Variants in HS3ST5 observed in about 807,000 individuals in gnomAD.
The protein encoded by HS3ST5 is heparan sulfate glucosamine 3-O-sulfotransferase 5.
A neutral mutation model predicts 25.4 loss-of-function variants in HS3ST5; 10 were observed. The ratio of observed to expected loss-of-function variants is 0.39; its 90% CI spans 0.24 to 0.67. The LOEUF is 0.67. HS3ST5 is among the 30% of genes least tolerant of loss of function. The pLI, the probability that HS3ST5 is intolerant of heterozygous loss-of-function variation, is 0.44. For missense variants in HS3ST5, 324 were observed against 420.7 expected (o/e 0.77, Z 2.01); for synonymous variants, 170 against 162.4 (o/e 1.05, Z -0.36).
chr6:114,213,839 A>G (rs1216959046), intron 2 of HS3ST5, among the ~76,000 whole-genome samples: 1 of 152,206 alleles, frequency 6.6e-6, no homozygotes, highest in Non-Finnish European at 1.5e-5. Context: ...CTCAGTTCAC[A>G]TATGGTGAAC....
chr6:114,109,616 A>C (rs936497315), intron 3 of HS3ST5, among the ~76,000 whole-genome samples: 6 of 152,094 alleles, frequency 3.9e-5, no homozygotes, highest in Non-Finnish European at 8.8e-5. Context: ...TGGGTAATGG[A>C]TATCCCTGGA....
intron 1 of HS3ST5, among the ~76,000 whole-genome samples, chr6:114,286,829 A>G (rs550301433): frequency 1.1e-4 from 17 of 152,114 alleles, no homozygotes; most frequent in African/African-American, 3.9e-4. Context: ...AATATTTATC[A>G]TGAATAATAT....
At chr6:114,199,816 A>G (rs144584977) in intron 2 of HS3ST5, among the ~76,000 whole-genome samples, 246 of 152,306 alleles carry the variant, frequency 1.6e-3, no homozygotes, top group African/African-American at 5.6e-3. Flanking sequence ...TTTGAAATGC[A>G]AACACCAAAA....
intron 1 of HS3ST5, among the ~76,000 whole-genome samples, chr6:114,300,677 T>G (rs1050111549): frequency 1.3e-5 from 2 of 152,100 alleles, no homozygotes; most frequent in Admixed American, 6.6e-5. Context: ...AAATAAAAAC[T>G]TATGTCCACA....
chr6:114,059,898 T>G (rs996203075), intron 4 of HS3ST5: 5 of 152,262 alleles, frequency 3.3e-5, no homozygotes, highest in Non-Finnish European at 7.3e-5. Flanking sequence ...TAAACAGCTA[T>G]CTATCATAAT....
At chr6:114,149,127 TTGG>T (rs1430576940) in intron 3 of HS3ST5, among the ~76,000 whole-genome samples, 1 of 152,308 alleles carries the variant, frequency 6.6e-6, no homozygotes, top group Non-Finnish European at 1.5e-5. Context: ...TTTTACACTG[TTGG>T]TGGGAGTGTA....
At chr6:114,226,548 G>A (rs974941342) in intron 2 of HS3ST5, among the ~76,000 whole-genome samples, 1 of 151,882 alleles carries the variant, frequency 6.6e-6, no homozygotes, top group African/African-American at 2.4e-5. Flanking sequence ...ACTTTTATAT[G>A]AGAAACTTTT....
chr6:114,274,825 G>A (rs951700255), intron 1 of HS3ST5, among the ~76,000 whole-genome samples: 1 of 150,932 alleles, frequency 6.6e-6, no homozygotes, highest in African/African-American at 2.4e-5. Context: ...CTTGGAGTCT[G>A]AGAATGTGTC....
intron 2 of HS3ST5, among the ~76,000 whole-genome samples, chr6:114,176,018 T>C (rs1779708078): frequency 6.6e-6 from 1 of 152,212 alleles, no homozygotes; most frequent in Admixed American, 6.5e-5. Context: ...CTGGGCCTCC[T>C]GAGGCCATTA....
intron 1 of HS3ST5, among the ~76,000 whole-genome samples, chr6:114,325,833 C>G (rs1776151338): frequency 1.3e-5 from 2 of 152,152 alleles, no homozygotes; most frequent in Non-Finnish European, 2.9e-5. Context: ...AACCTCTTTT[C>G]TGTTCCACTG....
chr6:114,058,123 G>T lies in HS3ST5; in HGVS notation c.175C>A (p.Arg59Ser). The T allele has an allele frequency of 6.2e-7, 1 of 1,613,852 alleles. No individual in the cohort carries two copies. The highest frequency in any genetic ancestry group is 8.5e-7 in the Non-Finnish European group (1 of 1,179,818). ...AGGCCACGCTTAAACTGCAGGGCGC[G>T]AAGTGGGAATTCAGCCTGAGTGCGG... Reference protein sequence around the residue: ...GARTQAEFPLRALQFKRGLLH... With the variant: ...GARTQAEFPLSALQFKRGLLH... The change falls in exon 5 of 5, where the codon CGC becomes AGC. Residue 59 changes from arginine (R) to serine (S), a missense_variant. Arg to Ser is a moderately radical substitution (Grantham distance 110, BLOSUM62 -1). Around this residue, in one of 2 missense-constraint regions of HS3ST5, gnomAD observed 121 missense variants for 117.3 expected, o/e 1.03. Coordinates refer to ENST00000312719, the MANE Select transcript of HS3ST5 (RefSeq NM_153612.4).
intron 2 of HS3ST5, among the ~76,000 whole-genome samples, chr6:114,174,692 A>G (rs1217474568): frequency 6.6e-6 from 1 of 152,048 alleles, no homozygotes; most frequent in Non-Finnish European, 1.5e-5. Context: ...CATACCACCT[A>G]TCTCTATAAA....
chr6:114,057,262 G>T lies in HS3ST5; in HGVS notation c.1036C>A (p.Pro346Thr). 1.9e-6 allele frequency: 3 copies of T among 1,606,164 alleles called. No homozygotes were observed. Among genetic ancestry groups the T allele is most frequent in the South Asian group, 1.1e-5 (1 of 90,808 alleles). The change falls in exon 5 of 5, where the codon CCC becomes ACC. Residue 346 changes from proline to threonine, a missense_variant. Transcript: ENST00000312719. ...YQITGRTLNW[P>T] ...GTGTTGTATGACATATTATTTTAGGGCCAGTTCAATGTCCTCCCAGTGATC... is the reference window on the plus strand; with the variant it reads ...GTGTTGTATGACATATTATTTTAGGTCCAGTTCAATGTCCTCCCAGTGATC...
intron 3 of HS3ST5, among the ~76,000 whole-genome samples, chr6:114,114,753 T>C (rs537905617): frequency 6.6e-6 from 1 of 152,210 alleles, no homozygotes; most frequent in East Asian, 1.9e-4. Context: ...AGGACAAAAA[T>C]ATTTAAAGAA....
intron 1 of HS3ST5, among the ~76,000 whole-genome samples, chr6:114,233,420 AG>A (rs1771702951): frequency 6.6e-6 from 1 of 152,098 alleles, no homozygotes; most frequent in South Asian, 2.1e-4. Context: ...CTTTTCTATA[AG>A]ATTAGAAATG....
intron 3 of HS3ST5, among the ~76,000 whole-genome samples, chr6:114,081,111 AC>A (rs1486269119): frequency 2.0e-5 from 3 of 152,220 alleles, no homozygotes; most frequent in African/African-American, 7.2e-5. Context: ...GGTGGAGCAG[AC>A]AGCACACACA....
At chr6:114,151,021 A>G (rs1164761902) in intron 3 of HS3ST5, among the ~76,000 whole-genome samples, 2 of 152,190 alleles carry the variant, frequency 1.3e-5, no homozygotes, top group Admixed American at 1.3e-4. Context: ...GAAAGCACAT[A>G]TTCGCTTGCC....
intron 2 of HS3ST5, among the ~76,000 whole-genome samples, chr6:114,203,305 A>G (rs952490231): frequency 6.6e-6 from 1 of 152,194 alleles, no homozygotes; most frequent in Non-Finnish European, 1.5e-5. Flanking sequence ...TGCCTTGGTT[A>G]GCTTTAACAC....
At chr6:114,098,726 T>C (rs538834267) in intron 3 of HS3ST5, among the ~76,000 whole-genome samples, 3 of 152,042 alleles carry the variant, frequency 2.0e-5, no homozygotes, top group Admixed American at 2.0e-4. Flanking sequence ...TCTGAGGTAA[T>C]TTGCATTCAT....
Sources: allele counts gnomAD v4.1 joint callset (sites outside exome capture counted in the v4.1 genomes callset), GRCh38; gene constraint gnomAD v4.1.1; regional missense constraint gnomAD v4.1.1; transcripts MANE v1.5; gene names NCBI Gene and HGNC (gene_info 2026-07-23, HGNC 2026-07-21).